Variants in FAM110B observed in about 807,000 individuals in gnomAD.
FAM110B encodes protein FAM110B.
Under a neutral mutation model 20.4 loss-of-function variants are expected in FAM110B, and 6 were observed. The ratio of observed to expected loss-of-function variants is 0.29; its 90% CI spans 0.16 to 0.58. The LOEUF (loss-of-function observed/expected upper bound fraction) is 0.58. FAM110B is among the 20% of genes least tolerant of loss of function. The pLI is 0.90. For synonymous variants in FAM110B, 226 were observed against 214.1 expected, an observed-to-expected ratio of 1.06 and a Z score of -0.49; for missense variants, 434 against 498.2, an observed-to-expected ratio of 0.87 and a Z score of 1.23.
Position 58,049,302 on chromosome 8 carries a change from TAG to T in FAM110B, c.-414+17603_-414+17604del, listed in dbSNP as rs1805393390. On this transcript the variant is annotated intron_variant, in intron 2 of 3. Coordinates refer to ENST00000519262, the MANE Select transcript of FAM110B (RefSeq NM_001377989.1). ...TTTTGTGGTGTTCAAACTGTTGTATTAGAGATGTGAATGCCTAATCATAACAG... is the reference window on the plus strand; with the variant it reads ...TTTTGTGGTGTTCAAACTGTTGTATTAGATGTGAATGCCTAATCATAACAG... Among the ~76,000 whole-genome samples, 3 of 152,196 alleles carry T rather than the reference TAG, an allele frequency of 2.0e-5. No individual in the cohort carries two copies. The South Asian group carries it at 6.2e-4, about 32-fold the overall frequency.
chr8:58,102,863 A>G (rs1458134114), intron 3 of FAM110B, among the ~76,000 whole-genome samples: 1 of 152,166 alleles, frequency 6.6e-6, no homozygotes, highest in Non-Finnish European at 1.5e-5. Context: ...ATAAAACAAG[A>G]TGGATACTGA....
At chr8:58,144,915 G>A (rs1020704228) in intron 3 of FAM110B, among the ~76,000 whole-genome samples, 2 of 152,170 alleles carry the variant, frequency 1.3e-5, no homozygotes. Flanking sequence ...TTCAACTATT[G>A]ACAAGTGGGT....
chr8:58,091,029 G>A (rs1806463958), intron 3 of FAM110B, among the ~76,000 whole-genome samples: 1 of 152,118 alleles, frequency 6.6e-6, no homozygotes, highest in Non-Finnish European at 1.5e-5. Flanking sequence ...TCTAGATGAG[G>A]CAGTGCAAGG....
intron 3 of FAM110B, among the ~76,000 whole-genome samples, chr8:58,081,409 A>G (rs1806188078): frequency 6.6e-6 from 1 of 152,038 alleles, no homozygotes. Context: ...GCTTCGCCAT[A>G]TTGGATACGC....
intron 3 of FAM110B, among the ~76,000 whole-genome samples, chr8:58,131,684 A>G (rs1176030540): frequency 6.6e-6 from 1 of 152,202 alleles, no homozygotes; most frequent in Admixed American, 6.5e-5. Flanking sequence ...TACATACTAT[A>G]TTGATCCATT....
intron 2 of FAM110B, among the ~76,000 whole-genome samples, chr8:58,073,217 G>C (rs1805949170): frequency 6.6e-6 from 1 of 152,162 alleles, no homozygotes; most frequent in East Asian, 1.9e-4. Flanking sequence ...CTTCCTGTAA[G>C]AAGTGACTAC....
chr8:58,035,720 C>G (rs1488132241), intron 2 of FAM110B, among the ~76,000 whole-genome samples: 2 of 152,186 alleles, frequency 1.3e-5, no homozygotes, highest in African/African-American at 4.8e-5. Context: ...TCAAATTTAC[C>G]TTTAGCAGTA....
At chr8:58,139,034 CT>C (rs1490112875) in intron 3 of FAM110B, among the ~76,000 whole-genome samples, 2 of 152,192 alleles carry the variant, frequency 1.3e-5, no homozygotes, top group East Asian at 3.8e-4. Flanking sequence ...AAATGATTTA[CT>C]CATCTTGTCG....
At chr8:58,122,845 C>G (rs1266561834) in intron 3 of FAM110B, among the ~76,000 whole-genome samples, 1 of 151,152 alleles carries the variant, frequency 6.6e-6, no homozygotes, top group African/African-American at 2.4e-5. Context: ...GTTCCTAAAA[C>G]TCAGAGCGGA....
intron 3 of FAM110B, among the ~76,000 whole-genome samples, chr8:58,079,337 C>T (rs1806128130): frequency 6.6e-6 from 1 of 152,160 alleles, no homozygotes; most frequent in Non-Finnish European, 1.5e-5. Flanking sequence ...TTTTCTTTTA[C>T]TTATTCACAA....
At chr8:57,998,968 G>A (rs1002552145) in intron 1 of FAM110B, among the ~76,000 whole-genome samples, 1 of 152,060 alleles carries the variant, frequency 6.6e-6, no homozygotes, top group Non-Finnish European at 1.5e-5. Flanking sequence ...AGATTTTTAC[G>A]TTTTTCACAT....
intron 2 of FAM110B, among the ~76,000 whole-genome samples, chr8:58,070,671 A>G (rs1805878432): frequency 1.3e-5 from 2 of 152,142 alleles, no homozygotes; most frequent in Admixed American, 6.5e-5. Context: ...TGTTGCATCA[A>G]TTTGGGTGTC....
intron 1 of FAM110B, among the ~76,000 whole-genome samples, chr8:58,028,969 T>C (rs1406817741): frequency 6.6e-6 from 1 of 152,216 alleles, no homozygotes; most frequent in East Asian, 1.9e-4. Context: ...CCTTCCTTGG[T>C]GACCTCCATC....
chr8:58,079,750 C>T (rs1806142727), intron 3 of FAM110B, among the ~76,000 whole-genome samples: 1 of 151,800 alleles, frequency 6.6e-6, no homozygotes, highest in African/African-American at 2.4e-5. Context: ...CACTGCACTC[C>T]AGCCTAAGTG....
chr8:58,107,298 T>A (rs1378612732), intron 3 of FAM110B, among the ~76,000 whole-genome samples: 1 of 152,250 alleles, frequency 6.6e-6, no homozygotes, highest in Non-Finnish European at 1.5e-5. Context: ...CACATTTCTG[T>A]GGTACTTTTA....
chr8:58,036,487 A>C (rs1202257837), intron 2 of FAM110B, among the ~76,000 whole-genome samples: 1 of 152,244 alleles, frequency 6.6e-6, no homozygotes, highest in Non-Finnish European at 1.5e-5. Flanking sequence ...TTTTTAAAGT[A>C]AATTTGCCTT....
intron 2 of FAM110B, among the ~76,000 whole-genome samples, chr8:58,040,935 C>CT (rs60228265): frequency 0.31 from 29,937 of 97,318 alleles, 5,392 homozygotes; most frequent in Non-Finnish European, 0.4. Flanking sequence ...ATGGGAAAAT[C>CT]TTTTTTTTTT....
intron 2 of FAM110B, among the ~76,000 whole-genome samples, chr8:58,060,271 G>A (rs1683108018): frequency 6.6e-6 from 1 of 152,144 alleles, no homozygotes; most frequent in Admixed American, 6.5e-5. Flanking sequence ...GCATGATTCT[G>A]ACATTGAATT....
At chr8:58,090,857 CT>C (rs1806459482) in intron 3 of FAM110B, among the ~76,000 whole-genome samples, 1 of 152,162 alleles carries the variant, frequency 6.6e-6, no homozygotes, top group Non-Finnish European at 1.5e-5. Context: ...AAACCATAAA[CT>C]TAAGGCACCC....
Sources: allele counts gnomAD v4.1 joint callset (sites outside exome capture counted in the v4.1 genomes callset), GRCh38; gene constraint gnomAD v4.1.1; transcripts MANE v1.5; gene names NCBI Gene and HGNC (gene_info 2026-07-23, HGNC 2026-07-21).